NUMB: variants seen among roughly 807,000 people sequenced by gnomAD.
The protein encoded by NUMB is protein numb homolog.
Under a neutral mutation model 59.7 loss-of-function variants are expected in NUMB, and 29 were observed. The ratio of observed to expected loss-of-function variants is 0.49; its 90% confidence interval spans 0.36 to 0.66. NUMB has a LOEUF of 0.66. NUMB is among the 30% of genes least tolerant of loss of function. The probability of loss-of-function intolerance (pLI) is 0.00; values close to 1 mark genes in which losing one functional copy is unlikely to be tolerated. For synonymous variants in NUMB, 288 were observed against 288.2 expected (o/e 1.00, Z 0.01); for missense variants, 723 against 822.0 (o/e 0.88, Z 1.47).
chr14:73,418,772 GA>G (rs368122521), intron 1 of NUMB, among the ~76,000 whole-genome samples: 35 of 138,382 alleles, frequency 2.5e-4, no homozygotes, highest in African/African-American at 6.4e-4. Flanking sequence ...ACTCTGTCTC[GA>G]AAAAAAAAAA....
At chr14:73,419,659 C>T (rs990559094) in intron 1 of NUMB, among the ~76,000 whole-genome samples, 4 of 152,076 alleles carry the variant, frequency 2.6e-5, no homozygotes, top group Non-Finnish European at 5.9e-5. Context: ...ATAAGTAAAA[C>T]GGGGAGCTAA....
intron 3 of NUMB, among the ~76,000 whole-genome samples, chr14:73,362,394 G>C (rs1360685759): frequency 6.6e-6 from 1 of 151,972 alleles, no homozygotes; most frequent in Non-Finnish European, 1.5e-5. Context: ...AAAAGAGGAG[G>C]AAAAGGGGGA....
At chr14:73,425,296 T>C (rs541938575) in intron 1 of NUMB, among the ~76,000 whole-genome samples, 128 of 152,172 alleles carry the variant, frequency 8.4e-4, no homozygotes, top group African/African-American at 3.0e-3. Flanking sequence ...TTGAAAAAAA[T>C]TGCAGTTCAT....
chr14:73,440,215 CCAT>C (rs1882931653), intron 1 of NUMB, among the ~76,000 whole-genome samples: 1 of 131,514 alleles, frequency 7.6e-6, no homozygotes, highest in Non-Finnish European at 1.5e-5. Flanking sequence ...ATATGGATAT[CCAT>C]ATATATATAT....
At chr14:73,442,408 T>C (rs1037517693) in intron 1 of NUMB, among the ~76,000 whole-genome samples, 1 of 151,912 alleles carries the variant, frequency 6.6e-6, no homozygotes, top group African/African-American at 2.4e-5. Context: ...TTAAATTGTT[T>C]TAAAAGGAAA....
At chr14:73,432,125 C>G (rs1172130470) in intron 1 of NUMB, among the ~76,000 whole-genome samples, 1 of 151,864 alleles carries the variant, frequency 6.6e-6, no homozygotes, top group Non-Finnish European at 1.5e-5. Flanking sequence ...TACTGATTAC[C>G]AATCAAATCT....
chr14:73,278,045 CAAAAAAA>C (rs57146032), intron 12 of NUMB, among the ~76,000 whole-genome samples: 17 of 69,214 alleles, frequency 2.5e-4, no homozygotes, highest in South Asian at 7.6e-4. Flanking sequence ...GACTCCGTCT[CAAAAAAA>C]AAAAAAAAAA....
At chr14:73,302,541 G>A (rs1317736062) in intron 6 of NUMB, among the ~76,000 whole-genome samples, 1 of 151,626 alleles carries the variant, frequency 6.6e-6, no homozygotes, top group Non-Finnish European at 1.5e-5. Flanking sequence ...CGAGTAGCTG[G>A]GATTATGGGT....
At chr14:73,282,231 T>C (rs1888679574) in intron 11 of NUMB, 128 bp downstream of exon 11, 3 of 770,068 alleles carry the variant, frequency 3.9e-6, no homozygotes, top group Non-Finnish European at 4.0e-6. Flanking sequence ...ATCTAAGACA[T>C]CAAATAGAGA....
At chr14:73,393,521 T>C (rs1452048352) in intron 2 of NUMB, among the ~76,000 whole-genome samples, 1 of 152,188 alleles carries the variant, frequency 6.6e-6, no homozygotes, top group Non-Finnish European at 1.5e-5. Context: ...AATGCCATCA[T>C]AAAATCAACA....
At position 73,275,433 on chromosome 14, in the gene NUMB, A is replaced by G. The variant is rs547547907; in HGVS notation, c.*1145T>C. The stretch of plus-strand genomic sequence containing the variant: ...GGACACACACAAAGCTAATAAAACC[A>G]GAATCCCCATCCCCACAAAACTCAT... On this transcript the variant is annotated 3_prime_UTR_variant, in exon 13 of 13. Transcript: ENST00000555238. 1 of 152,708 alleles carries G rather than the reference A, an allele frequency of 6.5e-6. No individual in the cohort carries two copies. The highest frequency in any genetic ancestry group is 1.5e-5 in the Non-Finnish European group (1 of 68,044). 9.5% of individuals were successfully genotyped at this position (152,708 alleles called of 1,614,324 possible). A position where few individuals can be genotyped will look rare whatever the true frequency, so the allele number is the denominator to read the frequency against.
At chr14:73,285,939 AC>A (rs1888965359) in intron 9 of NUMB, among the ~76,000 whole-genome samples, 1 of 151,160 alleles carries the variant, frequency 6.6e-6, no homozygotes, top group Non-Finnish European at 1.5e-5. Flanking sequence ...AAAAAAAAAA[AC>A]ACCGAAATCA....
Position 73,282,371 on chromosome 14 carries a change from G to C in NUMB, c.1084C>G (p.Pro362Ala), listed in dbSNP as rs747611621. The C allele has an allele frequency of 1.2e-6, 2 of 1,614,174 alleles. No homozygotes were observed. Among genetic ancestry groups the C allele is most frequent in the Non-Finnish European group, 1.7e-6 (2 of 1,180,028 alleles). The change falls in exon 11 of 13, where the codon CCT becomes GCT. Residue 362 changes from proline to alanine, a missense_variant. Coordinates refer to ENST00000555238, the MANE Select transcript of NUMB (RefSeq NM_001005743.2). ...KPVTVVAPQSPTFQANGTDSA... is the reference protein window; with the variant it reads ...KPVTVVAPQSATFQANGTDSA... The stretch of plus-strand genomic sequence containing the variant: ...AGAGGGCACCAACCTTGGAAGGTAG[G>C]AGATTGTGGTGCCACCACTGTCACT...
intron 1 of NUMB, among the ~76,000 whole-genome samples, chr14:73,417,796 G>A (rs1037144871): frequency 3.3e-5 from 5 of 152,138 alleles, no homozygotes; most frequent in Non-Finnish European, 5.9e-5. Flanking sequence ...GTCCACCGAT[G>A]GATGAATGGC....
chr14:73,405,376 A>G (rs940799549), intron 2 of NUMB, among the ~76,000 whole-genome samples: 1 of 152,070 alleles, frequency 6.6e-6, no homozygotes, highest in African/African-American at 2.4e-5. Context: ...AGGCCCGTAA[A>G]GGGAACTCCT....
chr14:73,317,062 T>TGTA (rs1250794038), intron 5 of NUMB, among the ~76,000 whole-genome samples: 2 of 152,198 alleles, frequency 1.3e-5, no homozygotes, highest in African/African-American at 4.8e-5. Context: ...TACATTAGTA[T>TGTA]CAATCTATAT....
intron 6 of NUMB, among the ~76,000 whole-genome samples, chr14:73,301,355 T>C (rs138125031): frequency 5.3e-5 from 8 of 152,250 alleles, no homozygotes; most frequent in African/African-American, 1.9e-4. Flanking sequence ...AAGGGAAAAA[T>C]AAAAGGTCAG....
chr14:73,429,901 C>T (rs1240561891), intron 1 of NUMB, among the ~76,000 whole-genome samples: 1 of 151,240 alleles, frequency 6.6e-6, no homozygotes, highest in African/African-American at 2.4e-5. Flanking sequence ...GCCGAGATCG[C>T]ACCACTGCAC....
chr14:73,385,763 A>G (rs566729415), intron 2 of NUMB, among the ~76,000 whole-genome samples: 1 of 152,028 alleles, frequency 6.6e-6, no homozygotes, highest in Non-Finnish European at 1.5e-5. Context: ...CGGCCTCCCA[A>G]AGTGCTAGGA....
Sources: allele counts gnomAD v4.1 joint callset (sites outside exome capture counted in the v4.1 genomes callset), GRCh38; gene constraint gnomAD v4.1.1; transcripts MANE v1.5; gene names NCBI Gene and HGNC (gene_info 2026-07-23, HGNC 2026-07-21).